Variants in ZNF787 observed in about 807,000 individuals in gnomAD.
ZNF787 encodes the protein TTF-I-interacting peptide 20.
In ZNF787, 7 loss-of-function variants were observed where a neutral mutation model predicts 16.9. The observed-to-expected ratio is 0.42, with a 90% CI of 0.24 to 0.78. The LOEUF is 0.78. Ranked by LOEUF, ZNF787 falls within the 30% of genes least tolerant of loss-of-function variation. The pLI, the probability that ZNF787 is intolerant of heterozygous loss-of-function variation, is 0.30. For missense variants in ZNF787, 551 were observed against 589.3 expected (o/e 0.94, Z 0.67); for synonymous variants, 345 against 270.9 (o/e 1.27, Z -2.69).
At chr19:56,120,595 G>C (rs1004999071) in intron 1 of ZNF787, among the ~76,000 whole-genome samples, 1 of 151,182 alleles carries the variant, frequency 6.6e-6, no homozygotes, top group Non-Finnish European at 1.5e-5. Context: ...GCCCGCCCGG[G>C]GCAGCAACGG....
intron 2 of ZNF787, among the ~76,000 whole-genome samples, chr19:56,100,631 C>G (rs1229419757): frequency 6.6e-6 from 1 of 152,210 alleles, no homozygotes; most frequent in South Asian, 2.1e-4. Flanking sequence ...CATGGCCAGG[C>G]CAACACCCGC....
At chr19:56,120,911 C>G (rs1467937616) in intron 1 of ZNF787, among the ~76,000 whole-genome samples, 2 of 138,578 alleles carry the variant, frequency 1.4e-5, no homozygotes, top group African/African-American at 2.6e-5. Context: ...CACGCGCACC[C>G]CCCCTCCAGC....
intron 1 of ZNF787, among the ~76,000 whole-genome samples, chr19:56,113,639 A>G (rs888326809): frequency 5.9e-5 from 9 of 152,002 alleles, no homozygotes; most frequent in African/African-American, 2.2e-4. Flanking sequence ...TGCCCACAAG[A>G]GGCACACCCC....
intron 1 of ZNF787, chr19:56,105,395 G>A (rs892774198): frequency 1.3e-5 from 2 of 152,172 alleles, no homozygotes; most frequent in Admixed American, 6.5e-5. Context: ...AGCCGAATAA[G>A]GGCAATTTAA....
chr19:56,098,431 A>G (rs533406799), intron 2 of ZNF787, among the ~76,000 whole-genome samples: 23 of 151,110 alleles, frequency 1.5e-4, no homozygotes, highest in Admixed American at 7.9e-4. Context: ...CCACCCAGGT[A>G]ATACGGCCGC....
At position 56,113,557 on chromosome 19, in the gene ZNF787, G is replaced by C. The variant is rs188678894; in HGVS notation, c.-11+7615C>G. On this transcript the variant is annotated intron_variant, in intron 1 of 2. Coordinates refer to ENST00000610935, the MANE Select transcript of ZNF787 (RefSeq NM_001002836.4). ...CAGGTGTGAAGTTCAGCTGTGACAG[G>C]GATGACCCTCGAACACGGCACGCTT... 3.5e-4 allele frequency among the ~76,000 whole-genome samples: 53 copies of C among 152,272 alleles called. No homozygotes were observed. In the Middle Eastern group the frequency reaches 0.014, roughly 39 times the overall value.
chr19:56,103,584 T>A, intron 1 of ZNF787: 1 of 278,608 alleles, frequency 3.6e-6, no homozygotes, highest in East Asian at 6.6e-5. Flanking sequence ...ATGGAGAACA[T>A]GTTACTGTCA....
intron 2 of ZNF787, among the ~76,000 whole-genome samples, chr19:56,090,864 G>C (rs919663211): frequency 4.6e-5 from 7 of 152,148 alleles, no homozygotes; most frequent in African/African-American, 1.7e-4. Context: ...CCCTCCAGAC[G>C]CACTGTATGA....
chr19:56,104,504 GCA>G (rs992724517), intron 1 of ZNF787, among the ~76,000 whole-genome samples: 1 of 150,368 alleles, frequency 6.7e-6, no homozygotes, highest in Non-Finnish European at 1.5e-5. Flanking sequence ...CCCGTGCCAC[GCA>G]CAGTGAGGGT....
In ZNF787 at chr19:56,089,059, G is replaced by A. The variant is rs1436909954; in HGVS notation, c.113C>T (p.Pro38Leu). The change falls in exon 3 of 3, where the codon CCC becomes CTC. Residue 38 changes from proline to leucine, a missense_variant. Pro to Leu is a moderately conservative substitution (Grantham distance 98). This residue lies in a region of ZNF787 where 80 missense variants were observed against 105.9 expected (regional missense o/e 0.76). Transcript: ENST00000610935. Reference sequence around the variant, plus strand: ...GGACAGCTTGGTGGGAGGCCAGCTGGGGACGTCGTCATCATCCATGATGAG... The same window carrying A: ...GGACAGCTTGGTGGGAGGCCAGCTGAGGACGTCGTCATCATCCATGATGAG... The part of the protein sequence containing the change: ...DILIMDDDDV[P>L]SWPPTKLSPP... 2.0e-6 allele frequency: 3 copies of A among 1,466,310 alleles called. No individual in the cohort carries two copies. The highest frequency in any genetic ancestry group is 1.5e-5 in the African/African-American group (1 of 68,670). The allele number at this position is 1,466,310 out of a possible 1,614,324, so 90.8% of individuals were successfully genotyped here.
intron 1 of ZNF787, among the ~76,000 whole-genome samples, chr19:56,113,284 C>G (rs1217483387): frequency 1.3e-5 from 2 of 152,106 alleles, no homozygotes. Context: ...ATTGCTGGTG[C>G]GGGCGCCATA....
At chr19:56,105,293 T>C (rs1319558900) in intron 1 of ZNF787, 1 of 151,918 alleles carries the variant, frequency 6.6e-6, no homozygotes, top group Non-Finnish European at 1.5e-5. Flanking sequence ...GTGGCAAACG[T>C]GCCCTCCCAG....
At chr19:56,116,315 G>A (rs905682768) in intron 1 of ZNF787, among the ~76,000 whole-genome samples, 2 of 152,018 alleles carry the variant, frequency 1.3e-5, no homozygotes, top group East Asian at 1.9e-4. Context: ...GGTGGCGGGC[G>A]CCTGTAGTCC....
rs762022025 is a variant in ZNF787, at chr19:56,088,158, G to C, written c.1014C>G (p.Ile338Met). ...QGAALRRHKK[I>M]HAVGAPSVCS... ...AGACCGAGGGCGCGCCCACCGCGTG[G>C]ATCTTCTTGTGTCTCCGGAGCGCGG... Residue 338 changes from isoleucine (I) to methionine (M), a missense_variant, in exon 3 of 3, where the codon ATC (isoleucine) becomes ATG (methionine). Around this residue, in one of 4 missense-constraint regions of ZNF787, gnomAD observed 392 missense variants for 312.7 expected, o/e 1.25. Coordinates refer to ENST00000610935, the MANE Select transcript of ZNF787 (RefSeq NM_001002836.4). This position sits in a 1 kb window ranked among gnomAD's most constrained non-coding sequence, Gnocchi z 8.6. The C allele has an allele frequency of 1.0e-5, 16 of 1,555,302 alleles. No homozygotes were observed. The highest frequency in any genetic ancestry group is 1.3e-5 in the Non-Finnish European group (15 of 1,155,812).
Position 56,103,186 on chromosome 19 carries a change from C to T in ZNF787, c.32G>A (p.Gly11Glu). The change falls in exon 2 of 3, where the codon GGG (glycine) becomes GAG (glutamate). Residue 11 changes from glycine (G) to glutamate (E), a missense_variant. Physicochemically the swap from Gly to Glu is moderately conservative, Grantham distance 98. Coordinates refer to ENST00000610935, the MANE Select transcript of ZNF787 (RefSeq NM_001002836.4). MELREEAWSP[G>E]PLDSEDQQMA... ...CTGCTGGTCCTCAGAATCCAGCGGC[C>T]CCGGAGACCAGGCTTCTTCCCGCAG... The T allele has an allele frequency of 6.3e-7, 1 of 1,576,492 alleles. No homozygotes were observed. Among genetic ancestry groups the T allele is most frequent in the Non-Finnish European group, 8.6e-7 (1 of 1,160,684 alleles).
At chr19:56,114,096 G>A (rs528186307) in intron 1 of ZNF787, among the ~76,000 whole-genome samples, 1 of 152,296 alleles carries the variant, frequency 6.6e-6, no homozygotes, top group African/African-American at 2.4e-5. Context: ...GCCACTGCAC[G>A]TGCCGGCTGC....
intron 2 of ZNF787, among the ~76,000 whole-genome samples, chr19:56,095,459 A>G (rs901814384): frequency 5.9e-5 from 9 of 152,196 alleles, no homozygotes; most frequent in South Asian, 2.1e-4. Context: ...CATTTTATGT[A>G]TAAGTTTCCT....
At chr19:56,100,051 GGAA>G (rs1254586072) in intron 2 of ZNF787, among the ~76,000 whole-genome samples, 2 of 152,114 alleles carry the variant, frequency 1.3e-5, no homozygotes, top group Non-Finnish European at 2.9e-5. Context: ...GGCCGTGGTG[GGAA>G]GAAGCGACCA....
chr19:56,110,972 G>A (rs935539913), intron 1 of ZNF787, among the ~76,000 whole-genome samples: 1 of 152,250 alleles, frequency 6.6e-6, no homozygotes, highest in Non-Finnish European at 1.5e-5. Flanking sequence ...TAGAGGTGGA[G>A]GGGCTGACCC....
Sources: allele counts gnomAD v4.1 joint callset (sites outside exome capture counted in the v4.1 genomes callset), GRCh38; gene constraint gnomAD v4.1.1; regional missense constraint gnomAD v4.1.1; non-coding constraint Gnocchi (gnomAD v3.1); transcripts MANE v1.5; gene names NCBI Gene and HGNC (gene_info 2026-07-23, HGNC 2026-07-21).